The following GCLM variants were observed in gnomAD, a reference collection of about 807,000 sequenced individuals.
GCLM encodes the protein glutamate--cysteine ligase regulatory subunit.
Under a neutral mutation model 36.0 loss-of-function variants are expected in GCLM, and 15 were observed. The ratio of observed to expected loss-of-function variants is 0.42; its 90% confidence interval spans 0.28 to 0.64. GCLM has a LOEUF of 0.64. Ranked by LOEUF, GCLM falls within the 30% of genes least tolerant of loss-of-function variation. The pLI is 0.25. For synonymous variants in GCLM, 129 were observed against 122.8 expected, an observed-to-expected ratio of 1.05 and a Z score of -0.34; for missense variants, 242 against 325.5, an observed-to-expected ratio of 0.74 and a Z score of 1.97.
At chr1:93,890,459 G>A (rs952187459) in intron 6 of GCLM, among the ~76,000 whole-genome samples, 2 of 152,024 alleles carry the variant, frequency 1.3e-5, no homozygotes, top group Non-Finnish European at 2.9e-5. Context: ...CATTTTACAG[G>A]TGACATTTTA....
Position 93,894,198 on chromosome 1 carries a change from C to T in GCLM, c.655+416G>A, listed in dbSNP as rs113998989. Among the ~76,000 whole-genome samples, 1,356 of 151,990 alleles carry T rather than the reference C, an allele frequency of 8.9e-3. 13 individuals are homozygous for T. The highest frequency in any genetic ancestry group is 0.015 in the Non-Finnish European group (1,004 of 67,962). On this transcript the variant is annotated intron_variant, in intron 6 of 6. Coordinates refer to ENST00000370238, the MANE Select transcript of GCLM (RefSeq NM_002061.4). ...GCTTGAGTCCGGGAGGTGGAGACTG[C>T]AGTCAGGTTGAGATCATGCTACTGC...
At chr1:93,897,246 GT>G (rs1267691862) in intron 4 of GCLM, among the ~76,000 whole-genome samples, 2 of 152,092 alleles carry the variant, frequency 1.3e-5, no homozygotes, top group African/African-American at 4.8e-5. Flanking sequence ...TCTGTAACTA[GT>G]AGTCACAGCA....
chr1:93,893,926 C>T (rs1007676032), intron 6 of GCLM, among the ~76,000 whole-genome samples: 1 of 152,126 alleles, frequency 6.6e-6, no homozygotes, highest in Non-Finnish European at 1.5e-5. Flanking sequence ...AATTAAATTA[C>T]ATGTGCCACT....
At position 93,909,398 on chromosome 1, in the gene GCLM, C is replaced by T. The variant is rs868785388; in HGVS notation, c.-235G>A. 6.5e-4 allele frequency: 433 copies of T among 667,600 alleles called. 1 individual carries two copies. Among genetic ancestry groups the T allele is most frequent in the African/African-American group, 6.0e-3 (313 of 51,780 alleles). The allele number at this position is 667,600 out of a possible 1,614,324, so 41.4% of individuals were successfully genotyped here. ...GTGGCTGCGGCTCCGGCTCCGGCTA[C>T]TGCGGCCGCAGCGGGAGAGCTGATT... On this transcript the variant is annotated 5_prime_UTR_variant, in exon 1 of 7. Transcript: ENST00000370238.
At chr1:93,898,474 T>C (rs1288918001) in intron 3 of GCLM, among the ~76,000 whole-genome samples, 1 of 152,118 alleles carries the variant, frequency 6.6e-6, no homozygotes, top group African/African-American at 2.4e-5. Flanking sequence ...TATATGTCTA[T>C]GTAGTATTTA....
intron 1 of GCLM, among the ~76,000 whole-genome samples, chr1:93,908,363 T>G (rs1282402267): frequency 2.0e-5 from 3 of 151,954 alleles, no homozygotes; most frequent in Non-Finnish European, 4.4e-5. Context: ...ATTGATAGAT[T>G]ATATTTGTAC....
At chr1:93,905,685 T>C (rs930306491) in intron 1 of GCLM, among the ~76,000 whole-genome samples, 1 of 152,246 alleles carries the variant, frequency 6.6e-6, no homozygotes, top group Non-Finnish European at 1.5e-5. Flanking sequence ...TTCAGACTTA[T>C]TTGATAGTAG....
intron 1 of GCLM, among the ~76,000 whole-genome samples, chr1:93,906,109 A>C (rs1373693361): frequency 6.6e-6 from 1 of 152,234 alleles, no homozygotes; most frequent in Non-Finnish European, 1.5e-5. Flanking sequence ...ATCTTAGTAC[A>C]CATGATTACA....
intron 1 of GCLM, among the ~76,000 whole-genome samples, chr1:93,905,618 T>C (rs927292982): frequency 6.6e-6 from 1 of 152,206 alleles, no homozygotes; most frequent in African/African-American, 2.4e-5. Context: ...AAAAAAAATT[T>C]ATACAAATAT....
chr1:93,901,243 C>A (rs1471291598), intron 3 of GCLM, among the ~76,000 whole-genome samples: 1 of 152,110 alleles, frequency 6.6e-6, no homozygotes, highest in Non-Finnish European at 1.5e-5. Context: ...GAAGGGGGTG[C>A]TTATGCTTGC....
At chr1:93,898,399 T>C (rs1656818013) in intron 3 of GCLM, among the ~76,000 whole-genome samples, 2 of 151,388 alleles carry the variant, frequency 1.3e-5, no homozygotes, top group African/African-American at 2.4e-5. Flanking sequence ...TTTGGTCATA[T>C]GAAGTAGGGC....
chr1:93,894,361 G>C (rs1557727590), intron 6 of GCLM, among the ~76,000 whole-genome samples: 1 of 151,708 alleles, frequency 6.6e-6, no homozygotes, highest in Non-Finnish European at 1.5e-5. Flanking sequence ...TTTCTGTGTA[G>C]TTTAATATTT....
Position 93,888,061 on chromosome 1 carries a change from T to C in GCLM, c.*929A>G, listed in dbSNP as rs1656388332. ...TTTTTTTCATCCCCTTTCTGGCTTT[T>C]AGTCCTTCCTAGTCAGTTATTAATG... On this transcript the variant is annotated 3_prime_UTR_variant, in exon 7 of 7. Transcript: ENST00000370238. 1 of 152,212 alleles carries C rather than the reference T, an allele frequency of 6.6e-6. No individual in the cohort carries two copies. The allele number at this position is 152,212 out of a possible 1,614,324, so 9.4% of individuals were successfully genotyped here.
chr1:93,906,664 T>C (rs1384046502), intron 1 of GCLM, among the ~76,000 whole-genome samples: 1 of 152,226 alleles, frequency 6.6e-6, no homozygotes, highest in African/African-American at 2.4e-5. Context: ...TCTTGTAAAT[T>C]ACATGTTTGC....
intron 1 of GCLM, among the ~76,000 whole-genome samples, chr1:93,905,095 C>T (rs375644160): frequency 3.3e-5 from 5 of 150,932 alleles, no homozygotes; most frequent in East Asian, 1.9e-4. Flanking sequence ...TTTGCTTGAA[C>T]CCAGGAGGTG....
rs890270814 is a variant in GCLM at position 93,887,917 on chromosome 1, A to T, written c.*1073T>A. 2.0e-5 allele frequency: 3 copies of T among 152,194 alleles called. No individual in the cohort carries two copies. Among genetic ancestry groups the T allele is most frequent in the Non-Finnish European group, 4.4e-5 (3 of 68,030 alleles). 9.4% of individuals were successfully genotyped at this position (152,194 alleles called of 1,614,324 possible). On this transcript the variant is annotated 3_prime_UTR_variant, in exon 7 of 7. Coordinates refer to ENST00000370238, the MANE Select transcript of GCLM (RefSeq NM_002061.4). The stretch of plus-strand genomic sequence containing the variant: ...CGTAAACTAATGAAGAATTATACTA[A>T]ATGACCTATATAGTCTCTTTTAGCT...
chr1:93,889,195 T>A (rs1480003629), intron 6 of GCLM, 36 bp from the exon 7 acceptor site: 1 of 1,477,324 alleles, frequency 6.8e-7, no homozygotes, highest in Non-Finnish European at 9.0e-7. Flanking sequence ...CTCCAGCGTG[T>A]TAAATTGGAA....
In GCLM at chr1:93,894,638, G is replaced by T; in HGVS notation, c.631C>A (p.Leu211Met). The T allele has an allele frequency of 6.3e-7, 1 of 1,591,164 alleles. No homozygotes were observed. The highest frequency in any genetic ancestry group is 8.6e-7 in the Non-Finnish European group (1 of 1,159,344). Residue 211 changes from leucine (L) to methionine (M), a missense_variant, in exon 6 of 7, where the codon CTG becomes ATG. By Grantham distance (15) the Leu-to-Met change is conservative (BLOSUM62 2). Coordinates refer to ENST00000370238, the MANE Select transcript of GCLM (RefSeq NM_002061.4). ...CCTTTTGGATCATTGTGAGTCAACA[G>T]CTGTATGTCAAATTGTTTAGCAAAT... ...TAFAKQFDIQ[L>M]LTHNDPKELL...
chr1:93,894,593 TA>T lies in GCLM; in HGVS notation c.655+20del. On this transcript the variant is annotated intron_variant, in intron 6 of 6. Transcript: ENST00000370238. ...GACAAAAGCTTATGATCAATCTCTA[TA>T]ATGAAAATATCAGTTTTACCTTTTG... 8.4e-7 allele frequency: 1 copy of T among 1,189,458 alleles called. No individual in the cohort carries two copies. Among genetic ancestry groups the T allele is most frequent in the Non-Finnish European group, 1.3e-6 (1 of 794,812 alleles). 73.7% of individuals were successfully genotyped at this position (1,189,458 alleles called of 1,614,324 possible). A position where few individuals can be genotyped will look rare whatever the true frequency, so the allele number is the denominator to read the frequency against.
Sources: gnomAD v4.1 joint callset for allele counts (sites outside exome capture counted in the v4.1 genomes callset) on GRCh38, gnomAD v4.1.1 for gene constraint, MANE v1.5 for transcripts, NCBI Gene and HGNC (gene_info 2026-07-23, HGNC 2026-07-21) for gene names.